Variants in EFHC2 observed in about 807,000 individuals in gnomAD.
The protein encoded by EFHC2 is EF-hand domain-containing family member C2.
In EFHC2, 18 loss-of-function variants were observed where a neutral mutation model predicts 52.7. That is an observed-to-expected ratio of 0.34 (90% CI 0.24 to 0.51). The LOEUF is 0.51. EFHC2 is among the 20% of genes least tolerant of loss of function. EFHC2 has a pLI of 0.97. For missense variants in EFHC2, 513 were observed against 562.5 expected (o/e 0.91, Z 0.89); for synonymous variants, 203 against 204.1 (o/e 0.99, Z 0.04).
rs758820251 is a variant in EFHC2, at chrX:44,250,462, T to C, written c.607-17A>G. 4.2e-6 allele frequency: 5 copies of C among 1,177,477 alleles called. No individual in the cohort carries two copies. The highest frequency in any genetic ancestry group is 4.8e-4 in the Middle Eastern group (2 of 4,184). On this transcript the variant is annotated splice_polypyrimidine_tract_variant and intron_variant, in intron 4 of 14. Coordinates refer to ENST00000420999, the MANE Select transcript of EFHC2 (RefSeq NM_025184.4). ...TTCTACAACCTGCAAATGGAGAAAA[T>C]GTCAATAATAGTTGCAGGGTTTGCA...
chrX:44,251,040 C>T (rs1380918740), intron 4 of EFHC2, among the ~76,000 whole-genome samples: 2 of 104,157 alleles, frequency 1.9e-5, no homozygotes, highest in African/African-American at 7.0e-5. Context: ...AGATCGAGAC[C>T]ATCCTGACTA....
At chrX:44,255,255 T>A (rs1016155326) in intron 4 of EFHC2, among the ~76,000 whole-genome samples, 64 of 111,700 alleles carry the variant, frequency 5.7e-4, no homozygotes, top group African/African-American at 2.0e-3. Context: ...AATGACAGGA[T>A]CAAATTCACA....
At chrX:44,227,945 C>T (rs943770746) in intron 11 of EFHC2, among the ~76,000 whole-genome samples, 8 of 110,997 alleles carry the variant, frequency 7.2e-5, no homozygotes, top group African/African-American at 1.6e-4. Context: ...TTTGAGAAAC[C>T]GAAAGACAGT....
chrX:44,312,851 A>G (rs1220439123), intron 1 of EFHC2, 95 bp from the exon 2 acceptor site: 7 of 875,053 alleles, frequency 8.0e-6, no homozygotes, highest in Non-Finnish European at 7.7e-6. Context: ...CTTACCATGT[A>G]TTTTTCCCTC....
intron 3 of EFHC2, among the ~76,000 whole-genome samples, chrX:44,265,430 C>T (rs1485279346): frequency 9.0e-6 from 1 of 110,929 alleles, no homozygotes; most frequent in Non-Finnish European, 1.9e-5. Context: ...GGCCACCACG[C>T]CTGGCTAACT....
intron 3 of EFHC2, among the ~76,000 whole-genome samples, chrX:44,264,363 A>G (rs189120207): frequency 2.9e-3 from 319 of 111,703 alleles, no homozygotes; most frequent in Non-Finnish European, 5.1e-3. Flanking sequence ...TCGAAGGGGA[A>G]ATTTCCAGAG....
intron 11 of EFHC2, among the ~76,000 whole-genome samples, chrX:44,191,789 G>A (rs1397372774): frequency 9.0e-6 from 1 of 111,713 alleles, no homozygotes; most frequent in Non-Finnish European, 1.9e-5. Flanking sequence ...CTTAGGTTCT[G>A]CAATTCCATT....
At chrX:44,302,079 G>A in intron 2 of EFHC2, among the ~76,000 whole-genome samples, 1 of 111,405 alleles carries the variant, frequency 9.0e-6, no homozygotes, top group Non-Finnish European at 1.9e-5. Flanking sequence ...GTTTAACTAA[G>A]AAACTGTCAA....
intron 2 of EFHC2, among the ~76,000 whole-genome samples, chrX:44,288,735 AC>A (rs1357829228): frequency 2.7e-5 from 3 of 112,368 alleles, no homozygotes; most frequent in African/African-American, 9.7e-5. Flanking sequence ...GTTTACTGAT[AC>A]AAAAAATTGT....
At chrX:44,181,257 T>C (rs1267553840) in intron 11 of EFHC2, among the ~76,000 whole-genome samples, 4 of 111,239 alleles carry the variant, frequency 3.6e-5, no homozygotes, top group African/African-American at 1.3e-4. Context: ...TCAATAGTAT[T>C]ATCCTGAATG....
At chrX:44,309,714 G>C (rs2037931871) in intron 2 of EFHC2, 2 of 1,002,315 alleles carry the variant, frequency 2.0e-6, no homozygotes, top group Admixed American at 4.4e-5. Context: ...TGGAAAACGT[G>C]AGGCCAGGCA....
chrX:44,209,200 C>T (rs1569284133), intron 11 of EFHC2, among the ~76,000 whole-genome samples: 1 of 110,649 alleles, frequency 9.0e-6, no homozygotes, highest in Non-Finnish European at 1.9e-5. Flanking sequence ...GTGGGGCATA[C>T]ATAATTTCTT....
chrX:44,215,183 C>A (rs1033667699), intron 11 of EFHC2, among the ~76,000 whole-genome samples: 1 of 111,346 alleles, frequency 9.0e-6, no homozygotes, highest in Admixed American at 9.6e-5. Context: ...TAAGGCCTCC[C>A]AGTCATGTTT....
chrX:44,277,002 T>C (rs2037662988), intron 2 of EFHC2, among the ~76,000 whole-genome samples: 1 of 111,572 alleles, frequency 9.0e-6, no homozygotes, highest in African/African-American at 3.3e-5. Context: ...GACTCACGCC[T>C]ATAATCCCAG....
chrX:44,281,624 A>G (rs1256573374), intron 2 of EFHC2, among the ~76,000 whole-genome samples: 1 of 112,353 alleles, frequency 8.9e-6, no homozygotes, highest in Non-Finnish European at 1.9e-5. Context: ...AGGAGGAATG[A>G]CATTGCAGGC....
At position 44,250,367 on chromosome X, in the gene EFHC2, T is replaced by C. The variant is rs1164892331; in HGVS notation, c.685A>G (p.Ile229Val). The C allele has an allele frequency of 8.3e-7, 1 of 1,211,219 alleles. No individual in the cohort carries two copies. Among genetic ancestry groups the C allele is most frequent in the East Asian group, 3.0e-5 (1 of 33,830 alleles). Residue 229 changes from isoleucine to valine, a missense_variant, in exon 5 of 15, where the codon ATT (isoleucine) becomes GTT (valine). Coordinates refer to ENST00000420999, the MANE Select transcript of EFHC2 (RefSeq NM_025184.4). Reference sequence around the variant, plus strand: ...TCCCACAGGCAGAAGAAACACAAAATCTTGCCATGATACTGGAGGAACTGT... The same window carrying C: ...TCCCACAGGCAGAAGAAACACAAAACCTTGCCATGATACTGGAGGAACTGT... Reference protein sequence around the residue: ...LKQFLQYHGKILCFFCLWDDS... With the variant: ...LKQFLQYHGKVLCFFCLWDDS...
intron 11 of EFHC2, among the ~76,000 whole-genome samples, chrX:44,182,022 T>C (rs2036839388): frequency 8.9e-6 from 1 of 112,104 alleles, no homozygotes. Flanking sequence ...TCTATCTAGT[T>C]CTGAAACATT....
At chrX:44,178,340 A>G in intron 12 of EFHC2, 27 bp downstream of exon 12, 1 of 1,122,864 alleles carries the variant, frequency 8.9e-7, no homozygotes, top group Non-Finnish European at 1.2e-6. Flanking sequence ...AATGTAAATG[A>G]TTAGAATCAA....
chrX:44,234,943 C>A (rs2037307032), intron 9 of EFHC2, among the ~76,000 whole-genome samples: 1 of 111,574 alleles, frequency 9.0e-6, no homozygotes, highest in Non-Finnish European at 1.9e-5. Flanking sequence ...AGAATACAGA[C>A]TTCCTCTTGG....
Sources: gnomAD v4.1 joint callset for allele counts (sites outside exome capture counted in the v4.1 genomes callset) on GRCh38, gnomAD v4.1.1 for gene constraint, MANE v1.5 for transcripts, NCBI Gene and HGNC (gene_info 2026-07-23, HGNC 2026-07-21) for gene names.